The following PTPRM variants were observed in gnomAD, a reference collection of about 807,000 sequenced individuals.
PTPRM encodes the protein protein tyrosine phosphatase receptor type M.
In PTPRM, 47 loss-of-function variants were observed where a neutral mutation model predicts 186.7. That is an observed-to-expected ratio of 0.25 (90% CI 0.20 to 0.32). The LOEUF (loss-of-function observed/expected upper bound fraction) is 0.32, where lower values mean the gene tolerates loss of function less well. Among genes scored for constraint, PTPRM ranks in the 10% least tolerant of loss-of-function variants. The probability of loss-of-function intolerance (pLI) is 1.00; values close to 1 mark genes in which losing one functional copy is unlikely to be tolerated. For missense variants in PTPRM, 1,494 were observed against 1,865.0 expected (o/e 0.80, Z 3.66); for synonymous variants, 668 against 674.9 (o/e 0.99, Z 0.16).
rs2090401404 is a variant in PTPRM, at chr18:8,085,790, C to G, written c.1671C>G (p.Thr557=). The G allele has an allele frequency of 2.5e-6, 4 of 1,613,518 alleles. No homozygotes were observed. The highest frequency in any genetic ancestry group is 3.4e-6 in the Non-Finnish European group (4 of 1,179,646). ...TGTTTTTTGGACTGTATCCGGGGAC[C>G]ACATACTCCTTTACCATCCGAGCTA... ...HFLFFGLYPG[T]TYSFTIRAST... Residue 557 remains threonine, a synonymous_variant, in exon 10 of 33, where the codon ACC becomes ACG. Coordinates refer to ENST00000580170, the MANE Select transcript of PTPRM (RefSeq NM_001105244.2).
At chr18:7,815,889 A>G (rs1311208151) in intron 2 of PTPRM, among the ~76,000 whole-genome samples, 1 of 152,194 alleles carries the variant, frequency 6.6e-6, no homozygotes, top group African/African-American at 2.4e-5. Context: ...TCCTAAACAT[A>G]AGGAAACGGC....
Position 8,213,106 on chromosome 18 carries a change from C to T in PTPRM, c.2301-30952C>T, listed in dbSNP as rs554765103. 1.2e-4 allele frequency among the ~76,000 whole-genome samples: 18 copies of T among 152,304 alleles called. No homozygotes were observed. The South Asian group carries it at 3.5e-3, about 30-fold the overall frequency. ...GCTTGATGCACAGCATGATGGGGCA[C>T]CCTGTCCACTTGCCTGTGAGTCATG... On this transcript the variant is annotated intron_variant, in intron 14 of 32. Transcript: ENST00000580170.
intron 2 of PTPRM, among the ~76,000 whole-genome samples, chr18:7,849,099 T>C (rs2046740216): frequency 6.6e-6 from 1 of 152,194 alleles, no homozygotes; most frequent in African/African-American, 2.4e-5. Flanking sequence ...TCGTTAATTT[T>C]TTTTGGTAGA....
chr18:8,000,795 A>G (rs912355724), intron 7 of PTPRM, among the ~76,000 whole-genome samples: 5 of 152,342 alleles, frequency 3.3e-5, no homozygotes, highest in Admixed American at 3.3e-4. Context: ...AGTGCAGACT[A>G]AATGTTCTTT....
chr18:8,173,735 G>C (rs1037316006), intron 14 of PTPRM, among the ~76,000 whole-genome samples: 1 of 152,158 alleles, frequency 6.6e-6, no homozygotes, highest in Non-Finnish European at 1.5e-5. Flanking sequence ...TGTGGGGCAT[G>C]GGTTGCCAGC....
At chr18:7,860,906 GC>G (rs1356801831) in intron 2 of PTPRM, among the ~76,000 whole-genome samples, 1 of 152,158 alleles carries the variant, frequency 6.6e-6, no homozygotes, top group Non-Finnish European at 1.5e-5. Context: ...AATGAATTAT[GC>G]TGACTAGTGC....
Position 7,723,728 on chromosome 18 carries a change from T to TTG in PTPRM, c.74-50420_74-50419dup, listed in dbSNP as rs2040492064. ...GAGGCATGATTTTGAGGCATGTTCCTTGCGCCACTTCCAGCGTTTCCCTTC... is the reference window on the plus strand; with the variant it reads ...GAGGCATGATTTTGAGGCATGTTCCTTGTGCGCCACTTCCAGCGTTTCCCTTC... On this transcript the variant is annotated intron_variant, in intron 1 of 32. Coordinates refer to ENST00000580170, the MANE Select transcript of PTPRM (RefSeq NM_001105244.2). 2.0e-5 allele frequency among the ~76,000 whole-genome samples: 3 copies of TTG among 152,194 alleles called. No individual in the cohort carries two copies. In the South Asian group the frequency reaches 6.2e-4, roughly 31 times the overall value.
chr18:8,221,760 C>G (rs1332897313), intron 14 of PTPRM, among the ~76,000 whole-genome samples: 1 of 152,184 alleles, frequency 6.6e-6, no homozygotes, highest in Non-Finnish European at 1.5e-5. Context: ...TTAGCCTAAA[C>G]CTTCCTCCTT....
At chr18:8,128,976 C>A (rs1452645945) in intron 13 of PTPRM, among the ~76,000 whole-genome samples, 1 of 152,084 alleles carries the variant, frequency 6.6e-6, no homozygotes, top group Non-Finnish European at 1.5e-5. Context: ...GCTTGAATGG[C>A]ATATATTGAA....
intron 1 of PTPRM, among the ~76,000 whole-genome samples, chr18:7,671,930 A>C (rs2039225765): frequency 6.6e-6 from 1 of 152,226 alleles, no homozygotes; most frequent in Admixed American, 6.5e-5. Context: ...GAAGGTGGTC[A>C]CCTAGAATCA....
At chr18:7,701,214 G>T (rs1484034187) in intron 1 of PTPRM, among the ~76,000 whole-genome samples, 2 of 150,048 alleles carry the variant, frequency 1.3e-5, no homozygotes, top group Non-Finnish European at 2.9e-5. Flanking sequence ...TGAGGCAGGA[G>T]AATTGCTTGA....
chr18:7,993,386 G>C (rs2083365466), intron 7 of PTPRM, among the ~76,000 whole-genome samples: 1 of 151,956 alleles, frequency 6.6e-6, no homozygotes, highest in Non-Finnish European at 1.5e-5. Context: ...AAAGACTTCT[G>C]AATATACTTA....
At chr18:8,239,457 C>G (rs1457929666) in intron 14 of PTPRM, among the ~76,000 whole-genome samples, 1 of 151,976 alleles carries the variant, frequency 6.6e-6, no homozygotes, top group Non-Finnish European at 1.5e-5. Context: ...GGTAGGGTTC[C>G]TGGAGGTAAA....
chr18:7,847,058 CAGTT>C (rs1286513356), intron 2 of PTPRM, among the ~76,000 whole-genome samples: 1 of 150,986 alleles, frequency 6.6e-6, no homozygotes, highest in African/African-American at 2.4e-5. Flanking sequence ...ATTTCATCTG[CAGTT>C]AGTTATCTAG....
intron 13 of PTPRM, among the ~76,000 whole-genome samples, chr18:8,135,016 C>T (rs1221409954): frequency 2.0e-5 from 3 of 152,080 alleles, no homozygotes; most frequent in African/African-American, 7.2e-5. Flanking sequence ...AATTATACTT[C>T]ATGGTATAAT....
chr18:7,747,691 T>G (rs1798201649), intron 1 of PTPRM: 1 of 152,196 alleles, frequency 6.6e-6, no homozygotes, highest in African/African-American at 2.4e-5. Flanking sequence ...AAACTCCACC[T>G]TGTATTAGAA....
At chr18:8,045,466 G>A (rs1056032290) in intron 7 of PTPRM, among the ~76,000 whole-genome samples, 2 of 152,194 alleles carry the variant, frequency 1.3e-5, no homozygotes, top group Admixed American at 1.3e-4. Flanking sequence ...TGTCTACCCG[G>A]TGGAATATTG....
At chr18:7,813,694 A>G (rs2145513427) in intron 2 of PTPRM, among the ~76,000 whole-genome samples, 1 of 151,078 alleles carries the variant, frequency 6.6e-6, no homozygotes, top group Non-Finnish European at 1.5e-5. Flanking sequence ...TTTTTTTTTC[A>G]TATTAGGCAT....
At chr18:8,271,265 G>C (rs1300435061) in intron 19 of PTPRM, among the ~76,000 whole-genome samples, 1 of 151,558 alleles carries the variant, frequency 6.6e-6, no homozygotes, top group African/African-American at 2.4e-5. Flanking sequence ...ATAATTATTT[G>C]ATTTCTCTTC....
Sources: gnomAD v4.1 joint callset for allele counts (sites outside exome capture counted in the v4.1 genomes callset) on GRCh38, gnomAD v4.1.1 for gene constraint, MANE v1.5 for transcripts, NCBI Gene and HGNC (gene_info 2026-07-23, HGNC 2026-07-21) for gene names.